SLC25A13: variants seen among roughly 807,000 people sequenced by gnomAD.
SLC25A13 encodes the protein solute carrier family 25 member 13.
Under a neutral mutation model 85.5 loss-of-function variants are expected in SLC25A13, and 70 were observed. The ratio of observed to expected loss-of-function variants is 0.82; its 90% confidence interval spans 0.68 to 1.00. The LOEUF (loss-of-function observed/expected upper bound fraction) is 1.00. Among genes scored for constraint, SLC25A13 ranks in the 50% least tolerant of loss-of-function variants. The probability of loss-of-function intolerance (pLI) is 0.00; values close to 1 mark genes in which losing one functional copy is unlikely to be tolerated. For missense variants in SLC25A13, 765 were observed against 819.8 expected (o/e 0.93, Z 0.82); for synonymous variants, 259 against 288.7 (o/e 0.90, Z 1.04).
At chr7:96,198,168 T>G (rs900056303) in intron 5 of SLC25A13, among the ~76,000 whole-genome samples, 10 of 152,158 alleles carry the variant, frequency 6.6e-5, no homozygotes, top group African/African-American at 2.4e-4. Context: ...GTCATGACAC[T>G]GCCACCCGGG....
Position 96,264,477 on chromosome 7 carries a change from C to T in SLC25A13, c.212+12719G>A, listed in dbSNP as rs536744683. 3.0e-4 allele frequency among the ~76,000 whole-genome samples: 46 copies of T among 152,298 alleles called. 1 individual carries two copies. The South Asian group carries it at 9.3e-3, about 31-fold the overall frequency. On this transcript the variant is annotated intron_variant, in intron 3 of 17. Coordinates refer to ENST00000265631, the MANE Select transcript of SLC25A13 (RefSeq NM_014251.3). Reference sequence around the variant, plus strand: ...CCACTACATCTACACTCTCTCTCTACTCTAGTCTCTATCTTCTCTTCTAGC... The same window carrying T: ...CCACTACATCTACACTCTCTCTCTATTCTAGTCTCTATCTTCTCTTCTAGC...
intron 3 of SLC25A13, among the ~76,000 whole-genome samples, chr7:96,244,335 T>C (rs1397629647): frequency 1.3e-5 from 2 of 152,202 alleles, no homozygotes; most frequent in African/African-American, 2.4e-5. Flanking sequence ...AAGATTTTTA[T>C]TTAATATGTT....
At chr7:96,157,244 T>G (rs1238803159) in intron 13 of SLC25A13, among the ~76,000 whole-genome samples, 1 of 152,016 alleles carries the variant, frequency 6.6e-6, no homozygotes, top group Non-Finnish European at 1.5e-5. Context: ...TCATGTGAAA[T>G]GGTCCTCACG....
At chr7:96,179,790 C>T (rs907262154) in intron 11 of SLC25A13, among the ~76,000 whole-genome samples, 1 of 152,166 alleles carries the variant, frequency 6.6e-6, no homozygotes, top group Non-Finnish European at 1.5e-5. Context: ...TGGTTTGTTT[C>T]AAGATGCATG....
chr7:96,285,983 A>T lies in SLC25A13; in HGVS notation c.70-8645T>A, dbSNP rs543411710. 1.3e-3 allele frequency among the ~76,000 whole-genome samples: 196 copies of T among 152,264 alleles called. 2 individuals are homozygous for T. Among genetic ancestry groups the T allele is most frequent in the African/African-American group, 4.5e-3 (186 of 41,568 alleles). Reference sequence around the variant, plus strand: ...GACACTTGCCACAAGAACATCCTCCATAAGAAAACATCTGTCGTTGGCCAG... The same window carrying T: ...GACACTTGCCACAAGAACATCCTCCTTAAGAAAACATCTGTCGTTGGCCAG... On this transcript the variant is annotated intron_variant, in intron 2 of 17. Coordinates refer to ENST00000265631, the MANE Select transcript of SLC25A13 (RefSeq NM_014251.3).
At chr7:96,150,848 CA>C (rs1306945590) in intron 13 of SLC25A13, among the ~76,000 whole-genome samples, 1 of 151,962 alleles carries the variant, frequency 6.6e-6, no homozygotes, top group East Asian at 1.9e-4. Flanking sequence ...GTAGCACTAG[CA>C]AACTAATATA....
At chr7:96,261,444 CATTT>C (rs1797848289) in intron 3 of SLC25A13, among the ~76,000 whole-genome samples, 1 of 152,134 alleles carries the variant, frequency 6.6e-6, no homozygotes, top group African/African-American at 2.4e-5. Context: ...TACCATATAT[CATTT>C]ATTTCAGACT....
At chr7:96,140,407 T>C (rs1792486962) in intron 14 of SLC25A13, among the ~76,000 whole-genome samples, 1 of 138,242 alleles carries the variant, frequency 7.2e-6, no homozygotes, top group African/African-American at 2.7e-5. Context: ...CTTTTTTTTT[T>C]TTTTTTTTTT....
chr7:96,227,774 T>A (rs926919308), intron 4 of SLC25A13, among the ~76,000 whole-genome samples: 1 of 152,126 alleles, frequency 6.6e-6, no homozygotes, highest in Non-Finnish European at 1.5e-5. Context: ...TAACAAATTC[T>A]AGAAAGATTA....
At chr7:96,315,953 A>C (rs907439215) in intron 1 of SLC25A13, among the ~76,000 whole-genome samples, 1 of 151,576 alleles carries the variant, frequency 6.6e-6, no homozygotes, top group Non-Finnish European at 1.5e-5. Flanking sequence ...CCCCGTCTCT[A>C]CAAAAAAAAA....
At chr7:96,261,886 G>A (rs527488794) in intron 3 of SLC25A13, among the ~76,000 whole-genome samples, 41 of 152,212 alleles carry the variant, frequency 2.7e-4, no homozygotes, top group Admixed American at 2.2e-3. Context: ...GGAAAGAGAC[G>A]GGGAAGAGGA....
At position 96,251,955 on chromosome 7, in the gene SLC25A13, G is replaced by C. The variant is rs111411421; in HGVS notation, c.213-17038C>G. On this transcript the variant is annotated intron_variant, in intron 3 of 17. Transcript: ENST00000265631. ...CTTCTTATTGGACACCCTGGTCAGA[G>C]AGCCTCAAGTCATCAATCCTTCACA... 3.2e-3 allele frequency among the ~76,000 whole-genome samples: 486 copies of C among 152,292 alleles called. 1 individual carries two copies. Among genetic ancestry groups the C allele is most frequent in the African/African-American group, 0.011 (454 of 41,576 alleles).
intron 17 of SLC25A13, 48 bp downstream of exon 17, chr7:96,121,607 G>A (rs1791508172): frequency 6.4e-7 from 1 of 1,561,288 alleles, no homozygotes; most frequent in African/African-American, 1.4e-5. Flanking sequence ...CGACAACAGA[G>A]CATTAGCAGC....
intron 2 of SLC25A13, among the ~76,000 whole-genome samples, chr7:96,288,577 T>C (rs1252569402): frequency 6.6e-6 from 1 of 152,166 alleles, no homozygotes; most frequent in Non-Finnish European, 1.5e-5. Context: ...ACCCTAATAC[T>C]GCGCTTTTCC....
intron 1 of SLC25A13, among the ~76,000 whole-genome samples, chr7:96,313,330 C>T (rs1479268865): frequency 6.6e-6 from 1 of 152,154 alleles, no homozygotes; most frequent in African/African-American, 2.4e-5. Flanking sequence ...AGGCACAGCA[C>T]TATTCACAGT....
intron 2 of SLC25A13, chr7:96,283,882 A>G (rs1327519128): frequency 1.3e-5 from 2 of 153,100 alleles, no homozygotes; most frequent in Non-Finnish European, 2.9e-5. Context: ...CCACTCCCTC[A>G]AAGAAATATT....
At chr7:96,133,837 G>T (rs557675784) in intron 14 of SLC25A13, among the ~76,000 whole-genome samples, 1 of 151,806 alleles carries the variant, frequency 6.6e-6, no homozygotes, top group African/African-American at 2.4e-5. Context: ...CAGAAGAATC[G>T]CTTGAACCCG....
chr7:96,234,776 G>T, intron 4 of SLC25A13, 26 bp downstream of exon 4: 2 of 1,533,060 alleles, frequency 1.3e-6, no homozygotes, highest in Non-Finnish European at 1.8e-6. Flanking sequence ...CACTTACACA[G>T]ACGTGCACAG....
intron 2 of SLC25A13, among the ~76,000 whole-genome samples, chr7:96,280,525 G>A (rs1798633618): frequency 6.6e-6 from 1 of 152,114 alleles, no homozygotes; most frequent in African/African-American, 2.4e-5. Flanking sequence ...AGACCAGCCT[G>A]GGCAAGATGG....
Sources: gnomAD v4.1 joint callset for allele counts (sites outside exome capture counted in the v4.1 genomes callset) on GRCh38, gnomAD v4.1.1 for gene constraint, MANE v1.5 for transcripts, NCBI Gene and HGNC (gene_info 2026-07-23, HGNC 2026-07-21) for gene names.